PSD3: variants seen among roughly 807,000 people sequenced by gnomAD.
The protein encoded by PSD3 is pleckstrin and Sec7 domain containing 3, also known as PH and SEC7 domain-containing protein 3.
A neutral mutation model predicts 105.5 loss-of-function variants in PSD3; 49 were observed. That is an observed-to-expected ratio of 0.46 (90% CI 0.37 to 0.59). The LOEUF (loss-of-function observed/expected upper bound fraction) is 0.59, where lower values mean the gene tolerates loss of function less well. Ranked by LOEUF, PSD3 falls within the 20% of genes least tolerant of loss-of-function variation. The pLI is 0.00. For missense variants in PSD3, 1,561 were observed against 1,263.8 expected (o/e 1.24, Z -3.57); for synonymous variants, 557 against 457.8 (o/e 1.22, Z -2.77).
At chr8:18,912,034 G>C (rs12542897) in intron 2 of PSD3, among the ~76,000 whole-genome samples, 33,340 of 152,022 alleles carry the variant, frequency 0.22, 4,108 homozygotes, top group South Asian at 0.34. Context: ...TCTTCAGAAG[G>C]TTTTGAAAAA....
intron 9 of PSD3, among the ~76,000 whole-genome samples, chr8:18,752,921 C>T (rs927061850): frequency 1.3e-5 from 2 of 151,492 alleles, no homozygotes; most frequent in Admixed American, 6.6e-5. Flanking sequence ...GAATAGGTAA[C>T]CTCATCGTGA....
intron 14 of PSD3, among the ~76,000 whole-genome samples, chr8:18,568,253 A>C (rs2130287110): frequency 6.6e-6 from 1 of 152,274 alleles, no homozygotes; most frequent in Admixed American, 6.5e-5. Flanking sequence ...ACTAAATATC[A>C]CATTTTTAAA....
At chr8:18,552,665 G>GA (rs202166718) in intron 15 of PSD3, among the ~76,000 whole-genome samples, 1,675 of 152,212 alleles carry the variant, frequency 0.011, 14 homozygotes, top group Middle Eastern at 0.02. Flanking sequence ...GAATAAAATA[G>GA]AAAAAAGTTA....
intron 11 of PSD3, among the ~76,000 whole-genome samples, chr8:18,605,973 A>G (rs1804796856): frequency 6.6e-6 from 1 of 152,168 alleles, no homozygotes. Flanking sequence ...CTGTGAGCCA[A>G]TTAAACTACT....
rs1406270804 is a variant in PSD3 at position 18,704,213 on chromosome 8, T to C, written c.2173-48528A>G. 2.0e-5 allele frequency among the ~76,000 whole-genome samples: 3 copies of C among 152,176 alleles called. No individual in the cohort carries two copies. In the East Asian group the frequency reaches 5.8e-4, roughly 29 times the overall value. On this transcript the variant is annotated intron_variant, in intron 9 of 15. Coordinates refer to ENST00000327040, the MANE Select transcript of PSD3 (RefSeq NM_015310.4). ...ACACAACCCTTTACTGAAATAAGAA[T>C]GTGCTTTACTCTGGACATTTATTTT...
chr8:18,979,030 C>G (rs4921977), intron 1 of PSD3, among the ~76,000 whole-genome samples: 42,781 of 151,990 alleles, frequency 0.28, 6,879 homozygotes, highest in Middle Eastern at 0.5. Context: ...TCACTATAAT[C>G]CCTTTACCAC....
intron 2 of PSD3, among the ~76,000 whole-genome samples, chr8:18,921,935 A>G (rs1286130947): frequency 6.6e-6 from 1 of 152,230 alleles, no homozygotes; most frequent in East Asian, 1.9e-4. Context: ...CAGCAACAGA[A>G]GCTTCAAGTC....
intron 14 of PSD3, among the ~76,000 whole-genome samples, chr8:18,564,385 T>C (rs1438076573): frequency 2.0e-5 from 3 of 151,992 alleles, no homozygotes; most frequent in Non-Finnish European, 4.4e-5. Context: ...TCCCAACACT[T>C]TGGGAGGCCG....
intron 11 of PSD3, among the ~76,000 whole-genome samples, chr8:18,615,213 C>T (rs994706065): frequency 1.3e-5 from 2 of 151,878 alleles, no homozygotes; most frequent in Non-Finnish European, 2.9e-5. Flanking sequence ...TCACCTGCTG[C>T]ACCCTACATT....
intron 2 of PSD3, among the ~76,000 whole-genome samples, chr8:18,898,049 T>A (rs1252594180): frequency 1.3e-5 from 2 of 152,210 alleles, no homozygotes; most frequent in East Asian, 3.8e-4. Context: ...TTCAGTATAA[T>A]GTTGGCTATG....
At chr8:18,689,345 C>G (rs1279401605) in intron 9 of PSD3, among the ~76,000 whole-genome samples, 2 of 152,132 alleles carry the variant, frequency 1.3e-5, no homozygotes, top group Admixed American at 6.5e-5. Flanking sequence ...CAAGTGAAAT[C>G]AACAGGAGAG....
chr8:18,793,486 A>G (rs1358706367), intron 8 of PSD3, among the ~76,000 whole-genome samples: 1 of 152,090 alleles, frequency 6.6e-6, no homozygotes, highest in Non-Finnish European at 1.5e-5. Flanking sequence ...CCCTGACCTT[A>G]AAGTTAGAAA....
At chr8:18,559,892 T>G (rs1160833123) in intron 14 of PSD3, among the ~76,000 whole-genome samples, 1 of 152,204 alleles carries the variant, frequency 6.6e-6, no homozygotes, top group Non-Finnish European at 1.5e-5. Flanking sequence ...TAAATCTGTT[T>G]CTACAGCAGC....
chr8:18,595,653 G>T (rs2130541409), intron 12 of PSD3, among the ~76,000 whole-genome samples: 1 of 152,074 alleles, frequency 6.6e-6, no homozygotes, highest in South Asian at 2.1e-4. Flanking sequence ...TACAAAATAA[G>T]TAAAAAACTG....
intron 9 of PSD3, among the ~76,000 whole-genome samples, chr8:18,664,671 A>C (rs139913698): frequency 1.3e-5 from 2 of 152,344 alleles, no homozygotes; most frequent in East Asian, 3.9e-4. Context: ...GTATATACAA[A>C]ACAGCCTTTT....
At chr8:18,755,223 G>C (rs1805915431) in intron 9 of PSD3, among the ~76,000 whole-genome samples, 1 of 152,016 alleles carries the variant, frequency 6.6e-6, no homozygotes, top group Middle Eastern at 3.2e-3. Context: ...GAGGCTAGGA[G>C]TTCGAGACCA....
At position 18,908,730 on chromosome 8, in the gene PSD3, C is replaced by T. The variant is rs535043404; in HGVS notation, c.130+27304G>A. On this transcript the variant is annotated intron_variant, in intron 2 of 15. Transcript: ENST00000327040. ...TATCATCTTCTATTTAATGGTTCCT[C>T]GTATGAATGTTGTCTTGCTTGTAAG... Among the ~76,000 whole-genome samples, 7 of 152,274 alleles carry T rather than the reference C, an allele frequency of 4.6e-5. No homozygotes were observed. In the South Asian group the frequency reaches 1.0e-3, roughly 23 times the overall value.
chr8:18,953,528 T>G (rs1306369569), intron 1 of PSD3, among the ~76,000 whole-genome samples: 1 of 152,116 alleles, frequency 6.6e-6, no homozygotes, highest in Non-Finnish European at 1.5e-5. Flanking sequence ...GTGGGTGGAT[T>G]ACCAGAGGTC....
intron 9 of PSD3, among the ~76,000 whole-genome samples, chr8:18,658,566 G>A (rs1183333714): frequency 2.7e-5 from 4 of 146,612 alleles, no homozygotes; most frequent in Non-Finnish European, 6.0e-5. Context: ...TTGGTCACCC[G>A]GGCTGGAGTA....
Sources: allele counts gnomAD v4.1 joint callset (sites outside exome capture counted in the v4.1 genomes callset), GRCh38; gene constraint gnomAD v4.1.1; transcripts MANE v1.5; gene names NCBI Gene and HGNC (gene_info 2026-07-23, HGNC 2026-07-21).